DZIP1L: variants seen among roughly 807,000 people sequenced by gnomAD.
DZIP1L encodes the protein DAZ interacting zinc finger protein 1 like.
Under a neutral mutation model 88.7 loss-of-function variants are expected in DZIP1L, and 90 were observed. That is an observed-to-expected ratio of 1.02 (90% CI 0.86 to 1.21). DZIP1L has a LOEUF of 1.21. Among genes scored for constraint, DZIP1L ranks in the 50% most tolerant of loss-of-function variants. The pLI, the probability that DZIP1L is intolerant of heterozygous loss-of-function variation, is 0.00. For missense variants in DZIP1L, 932 were observed against 955.8 expected, an observed-to-expected ratio of 0.98 and a Z score of 0.33; for synonymous variants, 363 against 372.1, an observed-to-expected ratio of 0.98 and a Z score of 0.28.
At chr3:138,092,222 G>C (rs1035374398) in intron 5 of DZIP1L, 161 bp downstream of exon 5, 2 of 717,670 alleles carry the variant, frequency 2.8e-6, no homozygotes, top group Non-Finnish European at 4.1e-6. Context: ...CAACCCCAAG[G>C]CGTCTGAAAT....
At chr3:138,071,160 C>A (rs571405965) in intron 12 of DZIP1L, among the ~76,000 whole-genome samples, 1 of 152,358 alleles carries the variant, frequency 6.6e-6, no homozygotes, top group Non-Finnish European at 1.5e-5. Flanking sequence ...CAGGGGCTAT[C>A]TGAGCTCTGC....
chr3:138,112,033 T>A (rs545391054), intron 1 of DZIP1L, among the ~76,000 whole-genome samples: 3 of 151,368 alleles, frequency 2.0e-5, no homozygotes, highest in African/African-American at 7.3e-5. Flanking sequence ...AGCAGAACTG[T>A]GGAACTTGAA....
At chr3:138,079,510 CT>C (rs1442145810) in intron 10 of DZIP1L, among the ~76,000 whole-genome samples, 2 of 152,178 alleles carry the variant, frequency 1.3e-5, no homozygotes, top group Non-Finnish European at 2.9e-5. Context: ...AACAATATAA[CT>C]AACTGCAGAA....
chr3:138,077,131 G>A (rs1943450373), intron 11 of DZIP1L, among the ~76,000 whole-genome samples: 1 of 152,130 alleles, frequency 6.6e-6, no homozygotes, highest in South Asian at 2.1e-4. Flanking sequence ...TGGGCTTGCA[G>A]ATGGATACTT....
chr3:138,083,927 T>G (rs1000358935), intron 8 of DZIP1L, among the ~76,000 whole-genome samples, 186 bp downstream of exon 8: 1 of 152,202 alleles, frequency 6.6e-6, no homozygotes, highest in African/African-American at 2.4e-5. Flanking sequence ...TGGCACATCT[T>G]CAGCCTGGAA....
chr3:138,099,161 G>GT (rs999074274), intron 2 of DZIP1L, among the ~76,000 whole-genome samples: 56 of 152,294 alleles, frequency 3.7e-4, no homozygotes, highest in African/African-American at 1.3e-3. Flanking sequence ...TTTGGTCTTT[G>GT]TTCCTTCCTA....
chr3:138,083,863 T>C (rs1943792935), intron 8 of DZIP1L, among the ~76,000 whole-genome samples: 1 of 152,164 alleles, frequency 6.6e-6, no homozygotes, highest in African/African-American at 2.4e-5. Flanking sequence ...GCTGAGCGTT[T>C]TATATGGTCT....
chr3:138,064,883 G>A, intron 14 of DZIP1L, 116 bp from the exon 15 acceptor site: 20 of 1,444,510 alleles, frequency 1.4e-5, no homozygotes, highest in Non-Finnish European at 1.8e-5. Context: ...GAAGGGCCAG[G>A]AGGAAGAAGG....
chr3:138,091,397 C>T (rs1273894710), intron 5 of DZIP1L, among the ~76,000 whole-genome samples: 1 of 151,090 alleles, frequency 6.6e-6, no homozygotes, highest in Non-Finnish European at 1.5e-5. Flanking sequence ...GTGGGTGGAT[C>T]ACTTGAGGTC....
At chr3:138,110,564 C>A (rs777896167) in intron 1 of DZIP1L, among the ~76,000 whole-genome samples, 7 of 152,040 alleles carry the variant, frequency 4.6e-5, no homozygotes, top group Non-Finnish European at 1.0e-4. Context: ...GCTTCCAGAG[C>A]GCACAGCATA....
intron 4 of DZIP1L, 82 bp from the exon 5 acceptor site, chr3:138,092,626 G>A (rs891469462): frequency 2.2e-6 from 3 of 1,358,340 alleles, no homozygotes; most frequent in Non-Finnish European, 2.9e-6. Context: ...AGGCCTCCTT[G>A]TCTATGCAAG....
At chr3:138,075,101 TATC>T (rs1943343398) in intron 11 of DZIP1L, among the ~76,000 whole-genome samples, 1 of 152,112 alleles carries the variant, frequency 6.6e-6, no homozygotes, top group East Asian at 1.9e-4. Context: ...AACAGGAAAA[TATC>T]ATAATTCTAA....
chr3:138,108,090 T>A lies in DZIP1L; in HGVS notation c.-81-4038A>T, dbSNP rs926043590. On this transcript the variant is annotated intron_variant, in intron 1 of 15. Transcript: ENST00000327532. ...GCTCTGCCTCCCAGGTTCACGTCAT[T>A]CTCCTGCCTCAGCCTCCCAAGTAGC... 4 of 476,076 alleles carry A rather than the reference T, an allele frequency of 8.4e-6. No homozygotes were observed. In the South Asian group the frequency reaches 3.6e-4, roughly 42 times the overall value. 29.5% of individuals were successfully genotyped at this position (476,076 alleles called of 1,614,324 possible).
chr3:138,110,842 A>G (rs2042607319), intron 1 of DZIP1L, among the ~76,000 whole-genome samples: 1 of 152,256 alleles, frequency 6.6e-6, no homozygotes, highest in South Asian at 2.1e-4. Context: ...AGTGTGATCA[A>G]AGAGAGGAAA....
chr3:138,106,201 C>T (rs1007263583), intron 1 of DZIP1L, among the ~76,000 whole-genome samples: 24 of 134,246 alleles, frequency 1.8e-4, no homozygotes, highest in African/African-American at 6.7e-4. Context: ...TACAATGGCG[C>T]GATCTCGGCT....
At chr3:138,095,519 GCCTGTAATCCCAGCACT>G (rs1184900730) in intron 3 of DZIP1L, among the ~76,000 whole-genome samples, 1 of 152,154 alleles carries the variant, frequency 6.6e-6, no homozygotes. Context: ...AGTGGCTCAT[GCCTGTAATCCCAGCACT>G]TTGGGAGGCC....
At chr3:138,068,465 A>C in intron 12 of DZIP1L, 98 bp from the exon 13 acceptor site, 1 of 859,842 alleles carries the variant, frequency 1.2e-6, no homozygotes, top group Non-Finnish European at 1.7e-6. Context: ...GGAAATGAAC[A>C]ATTACTCCCT....
At chr3:138,076,185 G>C (rs1480823330) in intron 11 of DZIP1L, among the ~76,000 whole-genome samples, 1 of 152,010 alleles carries the variant, frequency 6.6e-6, no homozygotes, top group Admixed American at 6.6e-5. Context: ...TAATTACCAG[G>C]AAAATGCAAA....
At position 138,067,603 on chromosome 3, in the gene DZIP1L, G is replaced by A. The variant is rs1432753398; in HGVS notation, c.1930C>T (p.Pro644Ser). 2 of 1,611,860 alleles carry A rather than the reference G, an allele frequency of 1.2e-6. No homozygotes were observed. The change falls in exon 14 of 16, where the codon CCC becomes TCC. Residue 644 changes from proline to serine, a missense_variant. Coordinates refer to ENST00000327532, the MANE Select transcript of DZIP1L (RefSeq NM_173543.3). ...TCAGACCAGTCCCAGTCATCCTTGG[G>A]CCGGGGCACCATCCTGGAAGGAACT... ...PKVPSRMVPRPKDDWDWSDTE... is the reference protein window; with the variant it reads ...PKVPSRMVPRSKDDWDWSDTE...
Sources: gnomAD v4.1 joint callset for allele counts (sites outside exome capture counted in the v4.1 genomes callset) on GRCh38, gnomAD v4.1.1 for gene constraint, MANE v1.5 for transcripts, NCBI Gene and HGNC (gene_info 2026-07-23, HGNC 2026-07-21) for gene names.